AXIN2: variants seen among roughly 807,000 people sequenced by gnomAD.
AXIN2 encodes axin-2.
AXIN2 carries 21 observed loss-of-function variants against 74.7 expected under a neutral mutation model. That is an observed-to-expected ratio of 0.28 (90% CI 0.20 to 0.40). AXIN2 has a LOEUF of 0.40. AXIN2 is among the 10% of genes least tolerant of loss of function. The pLI is 1.00. For synonymous variants in AXIN2, 532 were observed against 454.9 expected (o/e 1.17, Z -2.16); for missense variants, 1,144 against 1,111.1 (o/e 1.03, Z -0.42).
rs2043981175 is a variant in AXIN2 at position 65,538,315 on chromosome 17, G to A, written c.1088C>T (p.Thr363Ile). 1.9e-6 allele frequency: 3 copies of A among 1,614,190 alleles called. No individual in the cohort carries two copies. Among genetic ancestry groups the A allele is most frequent in the South Asian group, 2.2e-5 (2 of 91,078 alleles). Reference sequence around the variant, plus strand: ...TGCAAAGGTGGCGGGTTCCACGGGGGTCATCTCCTTGGGCAGGCGGTGGGT... The same window carrying A: ...TGCAAAGGTGGCGGGTTCCACGGGGATCATCTCCTTGGGCAGGCGGTGGGT... ...PRTHRLPKEM[T>I]PVEPATFAAE... Residue 363 changes from threonine (T) to isoleucine (I), a missense_variant, in exon 5 of 11, where the codon ACC becomes ATC. Physicochemically the swap from Thr to Ile is moderately conservative, Grantham distance 89. This residue lies in a region of AXIN2 where 1,053 missense variants were observed against 973.5 expected (regional missense o/e 1.08). Coordinates refer to ENST00000307078, the MANE Select transcript of AXIN2 (RefSeq NM_004655.4).
chr17:65,556,420 CCCAGGAT>C (rs1365587344), intron 2 of AXIN2, among the ~76,000 whole-genome samples: 1 of 152,164 alleles, frequency 6.6e-6, no homozygotes, highest in Non-Finnish European at 1.5e-5. Context: ...AGAGGCCAGA[CCCAGGAT>C]CTTCCTCCCA....
chr17:65,537,253 C>T (rs2043942380), intron 6 of AXIN2, 71 bp downstream of exon 6: 4 of 1,605,620 alleles, frequency 2.5e-6, no homozygotes, highest in African/African-American at 2.7e-5. Flanking sequence ...CGGCTCCCAC[C>T]TCACACCTGC....
At position 65,538,667 on chromosome 17, in the gene AXIN2, C is replaced by CAAAAAAAAAAAAAAAAAAAAAAAAA. The variant is rs775428814; in HGVS notation, c.1060-349_1060-325dup. ...ATCTTCAAAGACTGTTGTCAACCATCAAAAAAAAAAAAAAAAAAAAAAAAA... is the reference window on the plus strand; with the variant it reads ...ATCTTCAAAGACTGTTGTCAACCATCAAAAAAAAAAAAAAAAAAAAAAAAAAAAAAAAAAAAAAAAAAAAAAAAAA... On this transcript the variant is annotated intron_variant, in intron 4 of 10. Transcript: ENST00000307078. Among the ~76,000 whole-genome samples the CAAAAAAAAAAAAAAAAAAAAAAAAA allele has an allele frequency of 1.1e-3, 40 of 35,828 alleles. 19 individuals are homozygous for CAAAAAAAAAAAAAAAAAAAAAAAAA. The highest frequency in any genetic ancestry group is 1.8e-3 in the Admixed American group (4 of 2,212). 23.5% of individuals were successfully genotyped at this position (35,828 alleles called of 152,430 possible).
intron 2 of AXIN2, among the ~76,000 whole-genome samples, chr17:65,551,598 G>T (rs1037308432): frequency 1.3e-5 from 2 of 152,210 alleles, no homozygotes; most frequent in Admixed American, 1.3e-4. Context: ...GCCACAATTT[G>T]GTGTGAGGGT....
chr17:65,540,325 C>A (rs2044022491), intron 4 of AXIN2, among the ~76,000 whole-genome samples: 1 of 152,156 alleles, frequency 6.6e-6, no homozygotes, highest in South Asian at 2.1e-4. Context: ...AGGTACTGTT[C>A]TAGTCTCTGT....
intron 2 of AXIN2, among the ~76,000 whole-genome samples, chr17:65,554,203 C>A (rs1373706509): frequency 1.3e-5 from 2 of 152,198 alleles, no homozygotes; most frequent in Non-Finnish European, 2.9e-5. Flanking sequence ...ACAGAACTGA[C>A]CTGACAGAAC....
intron 5 of AXIN2, 154 bp from the exon 6 acceptor site, chr17:65,537,989 C>G (rs2043968733): frequency 1.5e-6 from 2 of 1,327,224 alleles, no homozygotes; most frequent in African/African-American, 1.5e-5. Context: ...CCCGCCTACA[C>G]AAGCACATAT....
chr17:65,530,221 T>C, intron 10 of AXIN2, 119 bp from the exon 11 acceptor site: 2 of 1,338,076 alleles, frequency 1.5e-6, no homozygotes, highest in Non-Finnish European at 2.1e-6. Flanking sequence ...CAGGTGTGCC[T>C]GTACACTGTT....
intron 9 of AXIN2, among the ~76,000 whole-genome samples, chr17:65,535,042 T>C (rs562574757): frequency 2.4e-4 from 36 of 152,342 alleles, no homozygotes; most frequent in African/African-American, 8.7e-4. Context: ...ACTTCAAACA[T>C]TGCTCATTGC....
rs765303595 is a variant in AXIN2 at position 65,535,617 on chromosome 17, G to A, written c.2237+9C>T. On this transcript the variant is annotated intron_variant, in intron 9 of 10. Transcript: ENST00000307078. ...GCAGATCTCAGTAATGTCAGGTAAA[G>A]ACACTCACTCTTCTGGAGCCAGGCT... 6.2e-7 allele frequency: 1 copy of A among 1,612,816 alleles called. No homozygotes were observed. Among genetic ancestry groups the A allele is most frequent in the Non-Finnish European group, 8.5e-7 (1 of 1,178,780 alleles).
In AXIN2 at chr17:65,528,572, AT is replaced by A. The variant is rs2144381698; in HGVS notation, c.*1403del. 2.2e-6 allele frequency: 1 copy of A among 464,406 alleles called. No homozygotes were observed. The highest frequency in any genetic ancestry group is 4.6e-5 in the East Asian group (1 of 21,752). 28.8% of individuals were successfully genotyped at this position (464,406 alleles called of 1,614,324 possible). ...AAAGACGAGGCCAGTGTTTTGAAAA[AT>A]ATAAAATTTTAATAAAGGCTACATC... On this transcript the variant is annotated 3_prime_UTR_variant, in exon 11 of 11. Coordinates refer to ENST00000307078, the MANE Select transcript of AXIN2 (RefSeq NM_004655.4).
chr17:65,545,548 C>T (rs766598262), intron 3 of AXIN2, among the ~76,000 whole-genome samples: 6 of 151,922 alleles, frequency 3.9e-5, no homozygotes, highest in Non-Finnish European at 7.4e-5. Context: ...ATTAGCTGGG[C>T]GTGGTGGTGC....
In AXIN2 at chr17:65,553,847, C is replaced by CGGG. The variant is rs796606885; in HGVS notation, c.815+3956_815+3958dup. 7.7e-5 allele frequency among the ~76,000 whole-genome samples: 6 copies of CGGG among 78,348 alleles called. 1 individual carries two copies. The highest frequency in any genetic ancestry group is 1.5e-4 in the Non-Finnish European group (6 of 39,492). 51.4% of individuals were successfully genotyped at this position (78,348 alleles called of 152,430 possible). A position where few individuals can be genotyped will look rare whatever the true frequency, so the allele number is the denominator to read the frequency against. ...TCTTGTGATTACTTAAAAAAAAAGG[C>CGGG]GGGGGGGGGGGGAGGAAACTCAAAC... is the stretch of plus-strand genomic sequence containing the variant. On this transcript the variant is annotated intron_variant, in intron 2 of 10. Transcript: ENST00000307078.
chr17:65,555,532 T>TTAGTAAATTA (rs1293064101), intron 2 of AXIN2, among the ~76,000 whole-genome samples: 1 of 152,080 alleles, frequency 6.6e-6, no homozygotes, highest in South Asian at 2.1e-4. Context: ...CCTATTTACA[T>TTAGTAAATTA]CATCATTACT....
chr17:65,538,101 C>T, intron 5 of AXIN2, 102 bp downstream of exon 5: 1 of 1,582,038 alleles, frequency 6.3e-7, no homozygotes, highest in Non-Finnish European at 8.6e-7. Context: ...GCATGCAACC[C>T]ACGCACATGC....
chr17:65,540,720 C>G (rs973694917), intron 4 of AXIN2, among the ~76,000 whole-genome samples: 3 of 152,010 alleles, frequency 2.0e-5, no homozygotes, highest in African/African-American at 7.2e-5. Context: ...TTGCCCACCA[C>G]CCCCCCAACC....
rs2043781434 is a variant in AXIN2 at position 65,529,496 on chromosome 17, G to C, written c.*480C>G. The C allele has an allele frequency of 1.3e-5, 4 of 306,440 alleles. No homozygotes were observed. Among genetic ancestry groups the C allele is most frequent in the Non-Finnish European group, 6.1e-6 (1 of 162,680 alleles). The allele number at this position is 306,440 out of a possible 1,614,324, so 19.0% of individuals were successfully genotyped here. On this transcript the variant is annotated 3_prime_UTR_variant, in exon 11 of 11. Transcript: ENST00000307078. ...TGAAGAAACCATGAACGCACTCCTAGCTCAACTCCTAAGTTTAGTCAGAAC... is the reference window on the plus strand; with the variant it reads ...TGAAGAAACCATGAACGCACTCCTACCTCAACTCCTAAGTTTAGTCAGAAC...
At chr17:65,552,119 C>G (rs969830874) in intron 2 of AXIN2, among the ~76,000 whole-genome samples, 2 of 152,134 alleles carry the variant, frequency 1.3e-5, no homozygotes, top group Non-Finnish European at 2.9e-5. Context: ...ATCCGGAATT[C>G]CCCAACACCA....
intron 8 of AXIN2, 38 bp from the exon 9 acceptor site, chr17:65,535,759 C>T: frequency 1.9e-6 from 3 of 1,565,788 alleles, no homozygotes; most frequent in Non-Finnish European, 1.8e-6. Flanking sequence ...TAGAGGTACA[C>T]TGTTGTCCCC....
Sources: gnomAD v4.1 joint callset for allele counts (sites outside exome capture counted in the v4.1 genomes callset) on GRCh38, gnomAD v4.1.1 for gene constraint, gnomAD v4.1.1 regional missense constraint, MANE v1.5 for transcripts, NCBI Gene and HGNC (gene_info 2026-07-23, HGNC 2026-07-21) for gene names.